PCDHGA7: variants seen among roughly 807,000 people sequenced by gnomAD.
PCDHGA7 encodes protocadherin gamma subfamily A, 7.
PCDHGA7 carries 44 observed loss-of-function variants against 58.3 expected under a neutral mutation model. The ratio of observed to expected loss-of-function variants is 0.75; its 90% CI spans 0.59 to 0.97. The LOEUF (loss-of-function observed/expected upper bound fraction) is 0.97. PCDHGA7 is among the 50% of genes least tolerant of loss of function. The pLI is 0.00. For missense variants in PCDHGA7, 1,266 were observed against 1,188.7 expected, an observed-to-expected ratio of 1.06 and a Z score of -0.96; for synonymous variants, 516 against 504.2, an observed-to-expected ratio of 1.02 and a Z score of -0.31.
intron 1 of PCDHGA7, among the ~76,000 whole-genome samples, chr5:141,466,748 G>A (rs562859284): frequency 6.6e-6 from 1 of 152,238 alleles, no homozygotes; most frequent in South Asian, 2.1e-4. Context: ...TACTCTGATA[G>A]GGGCTCTTTT....
chr5:141,414,180 A>G, intron 1 of PCDHGA7: 2 of 1,608,986 alleles, frequency 1.2e-6, no homozygotes, highest in Middle Eastern at 1.7e-4. Context: ...TTGCAACTGC[A>G]AAAGTGTTGA....
chr5:141,422,226 G>A (rs766346054), intron 1 of PCDHGA7: 1 of 1,565,844 alleles, frequency 6.4e-7, no homozygotes, highest in East Asian at 2.2e-5. Flanking sequence ...CCACCACGAC[G>A]ATGTTGATCA....
rs1561728654 is a variant in PCDHGA7, at chr5:141,410,479, G to C, written c.2424+25156G>C. 3.7e-6 allele frequency: 6 copies of C among 1,613,838 alleles called. No homozygotes were observed. In the African/African-American group the frequency reaches 8.0e-5, roughly 22 times the overall value. ...CTTATAATCTGTGCATTGCACATAC[G>C]GGTACAAAAGAGTTTAATTTCCTAA... On this transcript the variant is annotated intron_variant, in intron 1 of 3. Coordinates refer to ENST00000518325, the MANE Select transcript of PCDHGA7 (RefSeq NM_018920.4).
rs375597452 is a variant in PCDHGA7 at position 141,403,865 on chromosome 5, A to G, written c.2424+18542A>G. ...AAATACTGGGGAAATATCAACAGCA[A>G]AAAGTCTAGATTATGAAGAATGTTC... On this transcript the variant is annotated intron_variant, in intron 1 of 3. Transcript: ENST00000518325. 40 of 1,613,808 alleles carry G rather than the reference A, an allele frequency of 2.5e-5. No individual in the cohort carries two copies. The African/African-American group carries it at 5.2e-4, about 21-fold the overall frequency.
intron 1 of PCDHGA7, chr5:141,399,780 A>C (rs1444494014): frequency 6.2e-7 from 1 of 1,613,170 alleles, no homozygotes; most frequent in Non-Finnish European, 8.5e-7. Flanking sequence ...TGGGCGACCG[A>C]AACGACAACG....
At chr5:141,409,325 G>A (rs2095255437) in intron 1 of PCDHGA7, 1 of 1,613,984 alleles carries the variant, frequency 6.2e-7, no homozygotes, top group Non-Finnish European at 8.5e-7. Context: ...ACGGGATCTG[G>A]ATTTCGGAGG....
Position 141,476,144 on chromosome 5 carries a change from C to T in PCDHGA7, c.2425-18663C>T. ...GGTCCCAGAGGCCTGGAGGAGCGGA[C>T]TGGTAAGCACCGGGAGGGTAGTGGG... is the stretch of plus-strand genomic sequence containing the variant. On this transcript the variant is annotated intron_variant, in intron 1 of 3. Transcript: ENST00000518325. This position sits in a 1 kb window ranked among gnomAD's most constrained non-coding sequence, Gnocchi z 7.6. 6.2e-7 allele frequency: 1 copy of T among 1,610,510 alleles called. No individual in the cohort carries two copies. The highest frequency in any genetic ancestry group is 1.3e-5 in the African/African-American group (1 of 75,014).
In PCDHGA7 at chr5:141,420,274, GGTAA is replaced by G. The variant is rs1362175190; in HGVS notation, c.2424+34955_2424+34958del. 5.9e-6 allele frequency: 9 copies of G among 1,525,426 alleles called. 1 individual carries two copies. The highest frequency in any genetic ancestry group is 2.1e-5 in the Admixed American group (1 of 48,284). 94.5% of individuals were successfully genotyped at this position (1,525,426 alleles called of 1,614,324 possible). On this transcript the variant is annotated intron_variant, in intron 1 of 3. Coordinates refer to ENST00000518325, the MANE Select transcript of PCDHGA7 (RefSeq NM_018920.4). ...AAGCAGATAAGAAGATTCTTAAACAGGTAAGTATTTAAAAATGTATTTAATCCTT... is the reference window on the plus strand; with the variant it reads ...AAGCAGATAAGAAGATTCTTAAACAGGTATTTAAAAATGTATTTAATCCTT...
chr5:141,383,757 T>A lies in PCDHGA7; in HGVS notation c.858T>A (p.Pro286=), dbSNP rs557236350. The change falls in exon 1 of 4, where the codon CCT becomes CCA. Residue 286 remains proline (P), a synonymous_variant. Coordinates refer to ENST00000518325, the MANE Select transcript of PCDHGA7 (RefSeq NM_018920.4). The stretch of plus-strand genomic sequence containing the variant: ...CATATTCTTTTCGGAAAATAACTCC[T>A]AAACTTCCAAAGATGTTTCATCTGA... ...EVTYSFRKIT[P]KLPKMFHLNS... 1 of 1,613,992 alleles carries A rather than the reference T, an allele frequency of 6.2e-7. No individual in the cohort carries two copies. Among genetic ancestry groups the A allele is most frequent in the East Asian group, 2.2e-5 (1 of 44,888 alleles).
At chr5:141,415,114 G>T in intron 1 of PCDHGA7, 5 of 1,613,648 alleles carry the variant, frequency 3.1e-6, no homozygotes, top group Non-Finnish European at 4.2e-6. Flanking sequence ...GCAAAGCCTC[G>T]TAGTGGCCGT....
Position 141,503,010 on chromosome 5 carries a change from AT to A in PCDHGA7, c.2484-2371del, listed in dbSNP as rs199924715. ...AGGCGTGTGCCACCATGCCCGGTTA[AT>A]TTTTTTTTTTTAATATCTATTTTAG... On this transcript the variant is annotated intron_variant, in intron 2 of 3. Coordinates refer to ENST00000518325, the MANE Select transcript of PCDHGA7 (RefSeq NM_018920.4). Among the ~76,000 whole-genome samples the A allele has an allele frequency of 6.8e-3, 997 of 146,562 alleles. 9 individuals are homozygous for A. The highest frequency in any genetic ancestry group is 0.023 in the African/African-American group (916 of 39,838).
chr5:141,389,360 T>C (rs1245411453), intron 1 of PCDHGA7: 4 of 1,613,742 alleles, frequency 2.5e-6, no homozygotes, highest in South Asian at 1.1e-5. Flanking sequence ...TCATGGCCAG[T>C]GACCTGGAGC....
chr5:141,400,194 G>T (rs2093978875), intron 1 of PCDHGA7: 2 of 1,614,034 alleles, frequency 1.2e-6, no homozygotes, highest in Non-Finnish European at 1.7e-6. Flanking sequence ...TTTACCTAGT[G>T]GTGGCCTTGG....
At position 141,502,665 on chromosome 5, in the gene PCDHGA7, A is replaced by G. The variant is rs192555506; in HGVS notation, c.2484-2728A>G. The stretch of plus-strand genomic sequence containing the variant: ...GAGATAGGCAGCAACCCTTCATGCA[A>G]TTTTAGTATTCCCTGATGATCCTTG... On this transcript the variant is annotated intron_variant, in intron 2 of 3. Transcript: ENST00000518325. 3.7e-3 allele frequency among the ~76,000 whole-genome samples: 568 copies of G among 152,330 alleles called. 1 individual carries two copies. Among genetic ancestry groups the G allele is most frequent in the African/African-American group, 0.013 (544 of 41,584 alleles).
At position 141,385,281 on chromosome 5, in the gene PCDHGA7, C is replaced by G. The variant is rs761366864; in HGVS notation, c.2382C>G (p.Ser794=). The G allele has an allele frequency of 9.3e-6, 15 of 1,613,230 alleles. No individual in the cohort carries two copies. The highest frequency in any genetic ancestry group is 3.3e-5 in the Admixed American group (2 of 59,988). ...AGAAAAATGATTCTTTGCTAACATC[C>G]GTAGATTTTCAGGAATGTAAAGAAA... ...SCEKNDSLLT[S]VDFQECKENL... is the part of the protein sequence containing the mutation. The change falls in exon 1 of 4, where the codon TCC becomes TCG. Residue 794 remains serine, a synonymous_variant. Transcript: ENST00000518325.
In PCDHGA7 at chr5:141,431,985, T is replaced by A. The variant is rs1354693325; in HGVS notation, c.2424+46662T>A. 1 of 1,614,202 alleles carries A rather than the reference T, an allele frequency of 6.2e-7. No homozygotes were observed. The highest frequency in any genetic ancestry group is 1.7e-5 in the Admixed American group (1 of 60,030). ...TACTATAGTTTAGTCACAGACATAG[T>A]CTTGGATAGGGAACAGGTTCCTAGC... On this transcript the variant is annotated intron_variant, in intron 1 of 3. Coordinates refer to ENST00000518325, the MANE Select transcript of PCDHGA7 (RefSeq NM_018920.4). This position sits in a 1 kb window ranked among gnomAD's most constrained non-coding sequence, Gnocchi z 4.8.
Position 141,394,592 on chromosome 5 carries a change from G to A in PCDHGA7, c.2424+9269G>A, listed in dbSNP as rs754585576. The A allele has an allele frequency of 3.3e-4, 534 of 1,613,642 alleles. 1 individual carries two copies. Among genetic ancestry groups the A allele is most frequent in the Non-Finnish European group, 4.3e-4 (502 of 1,180,046 alleles). On this transcript the variant is annotated intron_variant, in intron 1 of 3. Coordinates refer to ENST00000518325, the MANE Select transcript of PCDHGA7 (RefSeq NM_018920.4). ...GCTACCTGGTGACCAAGGTGGTGGC[G>A]GTGGACAGAGACTCGGGCCAGAACG...
chr5:141,494,762 A>G (rs770570158), intron 1 of PCDHGA7, 45 bp from the exon 2 acceptor site: 1 of 1,613,200 alleles, frequency 6.2e-7, no homozygotes, highest in South Asian at 1.1e-5. Flanking sequence ...TGACATTCTA[A>G]CTTCTCACGG....
In PCDHGA7 at chr5:141,477,602, C is replaced by G. The variant is rs772296229; in HGVS notation, c.2425-17205C>G. ...GCAGAATGCTCGGCTTTCTTTCTTT[C>G]TCTTGGAGCAAGGAGCTGAAACCGG... On this transcript the variant is annotated intron_variant, in intron 1 of 3. Coordinates refer to ENST00000518325, the MANE Select transcript of PCDHGA7 (RefSeq NM_018920.4). This position sits in a 1 kb window ranked among gnomAD's most constrained non-coding sequence, Gnocchi z 4.9. 6.2e-7 allele frequency: 1 copy of G among 1,614,098 alleles called. No homozygotes were observed. Among genetic ancestry groups the G allele is most frequent in the East Asian group, 2.2e-5 (1 of 44,898 alleles).
Sources: gnomAD v4.1 joint callset for allele counts (sites outside exome capture counted in the v4.1 genomes callset) on GRCh38, gnomAD v4.1.1 for gene constraint, Gnocchi (gnomAD v3.1) non-coding constraint, MANE v1.5 for transcripts, NCBI Gene and HGNC (gene_info 2026-07-23, HGNC 2026-07-21) for gene names.